Variants in DOK5 observed in about 807,000 individuals in gnomAD.
DOK5 encodes the protein downstream of tyrosine kinase 5.
In DOK5, 27 loss-of-function variants were observed where a neutral mutation model predicts 43.3. The ratio of observed to expected loss-of-function variants is 0.62; its 90% CI spans 0.46 to 0.86. The LOEUF is 0.86. Among genes scored for constraint, DOK5 ranks in the 40% least tolerant of loss-of-function variants. The pLI is 0.00. For missense variants in DOK5, 373 were observed against 392.9 expected, an observed-to-expected ratio of 0.95 and a Z score of 0.43; for synonymous variants, 146 against 140.1, an observed-to-expected ratio of 1.04 and a Z score of -0.30.
chr20:54,544,892 A>G (rs563642569), intron 1 of DOK5, among the ~76,000 whole-genome samples: 70 of 152,320 alleles, frequency 4.6e-4, no homozygotes, highest in Non-Finnish European at 8.4e-4. Flanking sequence ...CTGCAGGAGT[A>G]ATTGAAGAAG....
At chr20:54,628,215 C>T (rs184414473) in intron 6 of DOK5, among the ~76,000 whole-genome samples, 4 of 151,906 alleles carry the variant, frequency 2.6e-5, no homozygotes, top group East Asian at 1.9e-4. Flanking sequence ...AAATTGGATC[C>T]TGTTAAGAAT....
intron 2 of DOK5, among the ~76,000 whole-genome samples, chr20:54,561,419 T>A (rs571298842): frequency 6.6e-6 from 1 of 152,180 alleles, no homozygotes; most frequent in Non-Finnish European, 1.5e-5. Context: ...AGAAGACACA[T>A]ACCCTTCTTC....
chr20:54,541,495 G>C (rs1984156902), intron 1 of DOK5, among the ~76,000 whole-genome samples: 1 of 152,042 alleles, frequency 6.6e-6, no homozygotes, highest in South Asian at 2.1e-4. Flanking sequence ...GAGTGCAGTG[G>C]TGCAATCTCC....
At chr20:54,561,859 G>T (rs1020919460) in intron 2 of DOK5, among the ~76,000 whole-genome samples, 1 of 152,150 alleles carries the variant, frequency 6.6e-6, no homozygotes, top group African/African-American at 2.4e-5. Context: ...GTTTCTCCTT[G>T]TGGGTCAGTC....
At chr20:54,584,712 C>T (rs189347297) in intron 2 of DOK5, among the ~76,000 whole-genome samples, 11 of 147,030 alleles carry the variant, frequency 7.5e-5, no homozygotes, top group African/African-American at 2.8e-4. Flanking sequence ...ATAATATGTA[C>T]TCGTGTGTGT....
chr20:54,559,355 A>C (rs1166658925), intron 2 of DOK5, among the ~76,000 whole-genome samples: 1 of 152,196 alleles, frequency 6.6e-6, no homozygotes. Context: ...ATGTCTGACA[A>C]GTCATCCTCT....
intron 6 of DOK5, among the ~76,000 whole-genome samples, chr20:54,630,758 T>C (rs1253095433): frequency 6.6e-6 from 1 of 152,224 alleles, no homozygotes; most frequent in Non-Finnish European, 1.5e-5. Context: ...TGTGTAAGAA[T>C]AAAAATGAAA....
At chr20:54,615,923 G>C (rs901362747) in intron 6 of DOK5, among the ~76,000 whole-genome samples, 2 of 150,818 alleles carry the variant, frequency 1.3e-5, no homozygotes, top group African/African-American at 2.4e-5. Flanking sequence ...CATAAAAACA[G>C]GTTCTCCCCC....
chr20:54,623,265 C>T (rs1276375907), intron 6 of DOK5, among the ~76,000 whole-genome samples: 1 of 152,088 alleles, frequency 6.6e-6, no homozygotes, highest in Non-Finnish European at 1.5e-5. Flanking sequence ...AGCCCCCCTG[C>T]CCTCGACAAA....
At chr20:54,487,779 C>G (rs905921057) in intron 1 of DOK5, among the ~76,000 whole-genome samples, 1 of 152,168 alleles carries the variant, frequency 6.6e-6, no homozygotes, top group Admixed American at 6.5e-5. Context: ...TCTCACCCCC[C>G]AAAAACTGTA....
intron 6 of DOK5, among the ~76,000 whole-genome samples, chr20:54,637,199 G>A (rs1264941311): frequency 6.6e-6 from 1 of 152,198 alleles, no homozygotes; most frequent in Non-Finnish European, 1.5e-5. Flanking sequence ...CTCCCCAGCA[G>A]CATGATGCTT....
At position 54,622,223 on chromosome 20, in the gene DOK5, A is replaced by T. The variant is rs757913533; in HGVS notation, c.735+11700A>T. Among the ~76,000 whole-genome samples the T allele has an allele frequency of 2.0e-4, 30 of 151,950 alleles. 2 individuals carry two copies. Among genetic ancestry groups the T allele is most frequent in the Non-Finnish European group, 4.0e-4 (27 of 67,966 alleles). On this transcript the variant is annotated intron_variant, in intron 6 of 7. Coordinates refer to ENST00000262593, the MANE Select transcript of DOK5 (RefSeq NM_018431.5). ...AAAGAAAAAATAAAAAAAATAAAAT[A>T]AAAAAAAGAGCTAAATGAGATTAAC...
intron 5 of DOK5, among the ~76,000 whole-genome samples, chr20:54,602,263 A>T (rs1277236304): frequency 1.3e-5 from 2 of 152,212 alleles, no homozygotes; most frequent in South Asian, 2.1e-4. Context: ...AAACCTTGTT[A>T]TTCACATTTG....
intron 6 of DOK5, among the ~76,000 whole-genome samples, chr20:54,619,031 A>T (rs1355594368): frequency 4.5e-5 from 2 of 44,548 alleles, no homozygotes; most frequent in African/African-American, 3.5e-4. Flanking sequence ...AATTATATAT[A>T]TATATATATA....
intron 6 of DOK5, among the ~76,000 whole-genome samples, chr20:54,615,414 C>T (rs1986775068): frequency 6.6e-6 from 1 of 151,996 alleles, no homozygotes; most frequent in Non-Finnish European, 1.5e-5. Flanking sequence ...CCTGGTCTAT[C>T]CAGGTGGGTC....
chr20:54,628,408 C>CAAAAAAA lies in DOK5; in HGVS notation c.736-15019_736-15013dup, dbSNP rs56730310. Among the ~76,000 whole-genome samples, 8 of 23,448 alleles carry CAAAAAAA rather than the reference C, an allele frequency of 3.4e-4. 1 individual carries two copies. The highest frequency in any genetic ancestry group is 8.1e-4 in the African/African-American group (6 of 7,416). 15.4% of individuals were successfully genotyped at this position (23,448 alleles called of 152,430 possible). A position where few individuals can be genotyped will look rare whatever the true frequency, so the allele number is the denominator to read the frequency against. On this transcript the variant is annotated intron_variant, in intron 6 of 7. Transcript: ENST00000262593. ...TGGGCGACAGAGCGAGACTCCGTCT[C>CAAAAAAA]AAAAAAAAAAAAAAAAAAAAAAAAA...
chr20:54,554,890 A>G, intron 1 of DOK5, 43 bp from the exon 2 acceptor site: 1 of 1,216,794 alleles, frequency 8.2e-7, no homozygotes, highest in South Asian at 1.2e-5. Flanking sequence ...TGCAAATGTC[A>G]GTCAGGGGAG....
chr20:54,636,857 G>A (rs1011607055), intron 6 of DOK5, among the ~76,000 whole-genome samples: 23 of 152,236 alleles, frequency 1.5e-4, no homozygotes, highest in Non-Finnish European at 2.8e-4. Context: ...CCCTTTGAAA[G>A]GTTTCGCCTC....
intron 5 of DOK5, among the ~76,000 whole-genome samples, chr20:54,593,361 G>A (rs190074709): frequency 1.3e-5 from 2 of 152,054 alleles, no homozygotes; most frequent in South Asian, 4.1e-4. Context: ...TGTCTGCAAA[G>A]TTTTTTACTT....
Sources: allele counts gnomAD v4.1 joint callset (sites outside exome capture counted in the v4.1 genomes callset), GRCh38; gene constraint gnomAD v4.1.1; transcripts MANE v1.5; gene names NCBI Gene and HGNC (gene_info 2026-07-23, HGNC 2026-07-21).